GNE: variants seen among roughly 807,000 people sequenced by gnomAD.
GNE encodes the protein glucosamine (UDP-N-acetyl)-2-epimerase/N-acetylmannosamine kinase.
GNE carries 41 observed loss-of-function variants against 61.8 expected under a neutral mutation model. The observed-to-expected ratio is 0.66, with a 90% CI of 0.52 to 0.86. The LOEUF is 0.86. GNE is among the 40% of genes least tolerant of loss of function. GNE has a pLI of 0.00. For synonymous variants in GNE, 264 were observed against 326.4 expected (o/e 0.81, Z 2.06); for missense variants, 608 against 909.1 (o/e 0.67, Z 4.26).
At chr9:36,266,591 C>T (rs534030762) in intron 1 of GNE, among the ~76,000 whole-genome samples, 129 of 151,416 alleles carry the variant, frequency 8.5e-4, no homozygotes, top group African/African-American at 2.9e-3. Context: ...CTGGTCAACA[C>T]GGTGAAATCC....
At chr9:36,264,615 A>T (rs1253111487) in intron 1 of GNE, among the ~76,000 whole-genome samples, 1 of 152,174 alleles carries the variant, frequency 6.6e-6, no homozygotes, top group African/African-American at 2.4e-5. Flanking sequence ...GGAAAAGAGT[A>T]TGTACTGTTG....
chr9:36,255,261 G>A (rs1320866154), intron 1 of GNE, among the ~76,000 whole-genome samples: 2 of 152,096 alleles, frequency 1.3e-5, no homozygotes, highest in Non-Finnish European at 2.9e-5. Flanking sequence ...AGGCTGGAGT[G>A]CAGTGGTGCG....
rs573380827 is a variant in GNE at position 36,266,676 on chromosome 9, G to A, written c.51+10218C>T. On this transcript the variant is annotated intron_variant, in intron 1 of 11. Transcript: ENST00000396594. ...TGTAATCCCAGCACTTTGGGAGGCCGAGGCAGGCGGATCACAAGGTCAGGA... is the reference window on the plus strand; with the variant it reads ...TGTAATCCCAGCACTTTGGGAGGCCAAGGCAGGCGGATCACAAGGTCAGGA... Among the ~76,000 whole-genome samples, 44 of 152,310 alleles carry A rather than the reference G, an allele frequency of 2.9e-4. No homozygotes were observed. The East Asian group carries it at 7.9e-3, about 27-fold the overall frequency.
intron 1 of GNE, among the ~76,000 whole-genome samples, chr9:36,256,696 C>T (rs1830365307): frequency 6.6e-6 from 1 of 152,110 alleles, no homozygotes; most frequent in Non-Finnish European, 1.5e-5. Flanking sequence ...ATTTTTAAGG[C>T]TATCAAATAA....
chr9:36,216,164 C>A lies in GNE; in HGVS notation c.*1201G>T. On this transcript the variant is annotated 3_prime_UTR_variant, in exon 12 of 12. Transcript: ENST00000642385. ...GTCCAGTGTCTTGATTGTGGTGATG[C>A]TTTCACAGGTATACATATGTCAAGG... 2.6e-6 allele frequency: 1 copy of A among 384,714 alleles called. No individual in the cohort carries two copies. The highest frequency in any genetic ancestry group is 5.5e-6 in the Non-Finnish European group (1 of 183,348). The allele number at this position is 384,714 out of a possible 1,614,324, so 23.8% of individuals were successfully genotyped here.
intron 3 of GNE, 111 bp from the exon 4 acceptor site, chr9:36,237,095 T>C: frequency 2.4e-6 from 2 of 840,586 alleles, no homozygotes; most frequent in Non-Finnish European, 3.9e-6. Flanking sequence ...AATTCTACGA[T>C]AGAAACAGTT....
chr9:36,269,443 T>C (rs1830937832), intron 1 of GNE, among the ~76,000 whole-genome samples: 1 of 151,510 alleles, frequency 6.6e-6, no homozygotes, highest in Non-Finnish European at 1.5e-5. Flanking sequence ...TATGTTCAAT[T>C]GCCTACTAGA....
intron 1 of GNE, among the ~76,000 whole-genome samples, chr9:36,253,385 T>G (rs1244883872): frequency 1.3e-5 from 2 of 151,376 alleles, no homozygotes; most frequent in Non-Finnish European, 2.9e-5. Flanking sequence ...AAGAGATTCT[T>G]GTGCCTCAGC....
In GNE at chr9:36,218,669, G is replaced by A. The variant is rs916251028; in HGVS notation, c.1817-370C>T. ...TTACTCATCCCAGACACAATGCTGT[G>A]CCATCTGCCAGCGCCACGCGTTCTA... On this transcript the variant is annotated intron_variant, in intron 10 of 11. Coordinates refer to ENST00000642385, the MANE Select transcript of GNE (RefSeq NM_005476.7). This position sits in a 1 kb window ranked among gnomAD's most constrained non-coding sequence, Gnocchi z 4.1. Among the ~76,000 whole-genome samples the A allele has an allele frequency of 5.3e-5, 8 of 152,162 alleles. No homozygotes were observed. The highest frequency in any genetic ancestry group is 7.3e-5 in the Non-Finnish European group (5 of 68,030).
At chr9:36,276,861 T>C (rs777537509) in intron 1 of GNE, 2 of 1,523,418 alleles carry the variant, frequency 1.3e-6, no homozygotes, top group Admixed American at 3.6e-5. Flanking sequence ...GCAATTTCAA[T>C]AATAAAGCTC....
intron 1 of GNE, among the ~76,000 whole-genome samples, chr9:36,269,664 C>CCT (rs1830946781): frequency 7.4e-6 from 1 of 134,320 alleles, no homozygotes; most frequent in Non-Finnish European, 1.5e-5. Context: ...TTTCTTCTTT[C>CCT]TTTTTTTTTT....
chr9:36,238,123 TACAC>T (rs201513947), intron 3 of GNE, among the ~76,000 whole-genome samples: 99 of 129,082 alleles, frequency 7.7e-4, no homozygotes, highest in African/African-American at 1.9e-3. Flanking sequence ...TATATATAGA[TACAC>T]ACACACACAC....
chr9:36,245,015 C>A (rs1036776434), intron 3 of GNE, among the ~76,000 whole-genome samples: 3 of 150,496 alleles, frequency 2.0e-5, no homozygotes, highest in South Asian at 4.2e-4. Flanking sequence ...CGGTGGCTCA[C>A]GCTTGTAATC....
chr9:36,239,536 G>A (rs1188883300), intron 3 of GNE, among the ~76,000 whole-genome samples: 1 of 151,310 alleles, frequency 6.6e-6, no homozygotes, highest in Non-Finnish European at 1.5e-5. Context: ...GCAATGGTGC[G>A]ATCTCGGCTC....
chr9:36,223,684 TC>T (rs1828715321), intron 7 of GNE, among the ~76,000 whole-genome samples, 182 bp from the exon 8 acceptor site: 2 of 151,910 alleles, frequency 1.3e-5, no homozygotes, highest in South Asian at 4.2e-4. Flanking sequence ...CTCAAGTAGT[TC>T]CTGTAATCTG....
At position 36,250,454 on chromosome 9, in the gene GNE, A is replaced by G. The variant is rs1587350280; in HGVS notation, c.-42-1057T>C. Among the ~76,000 whole-genome samples, 2 of 152,224 alleles carry G rather than the reference A, an allele frequency of 1.3e-5. 1 individual carries two copies. Among genetic ancestry groups the G allele is most frequent in the South Asian group, 4.1e-4 (2 of 4,824 alleles). ...TCTTTTCGGAAGCTGTTCCTCCTCAATTGTTCTCTGAGTTATGCAATTTCA... is the reference window on the plus strand; with the variant it reads ...TCTTTTCGGAAGCTGTTCCTCCTCAGTTGTTCTCTGAGTTATGCAATTTCA... On this transcript the variant is annotated intron_variant, in intron 1 of 11. Transcript: ENST00000642385.
Position 36,227,552 on chromosome 9 carries a change from G to A in GNE, c.1071-94C>T, listed in dbSNP as rs1421863213. ...AATGTAATGGAAACTGAGACTTCAG[G>A]TAAAAATAATTCATGCTTCTTCCTA... is the stretch of plus-strand genomic sequence containing the variant. On this transcript the variant is annotated intron_variant, in intron 6 of 11. Coordinates refer to ENST00000642385, the MANE Select transcript of GNE (RefSeq NM_005476.7). The A allele has an allele frequency of 6.0e-6, 5 of 827,980 alleles. No homozygotes were observed. In the East Asian group the frequency reaches 1.3e-4, roughly 21 times the overall value. The allele number at this position is 827,980 out of a possible 1,614,324, so 51.3% of individuals were successfully genotyped here. A position where few individuals can be genotyped will look rare whatever the true frequency, so the allele number is the denominator to read the frequency against.
chr9:36,265,575 G>A (rs763163277), intron 1 of GNE: 5 of 430,112 alleles, frequency 1.2e-5, no homozygotes, highest in African/African-American at 6.0e-5. Flanking sequence ...TCCCTAGCTG[G>A]TAAGTATCTC....
intron 1 of GNE, among the ~76,000 whole-genome samples, chr9:36,257,935 C>G (rs1432955686): frequency 6.6e-6 from 1 of 151,664 alleles, no homozygotes; most frequent in African/African-American, 2.4e-5. Context: ...TTAGCCCAGC[C>G]TTTTCACGCC....
Sources: allele counts gnomAD v4.1 joint callset (sites outside exome capture counted in the v4.1 genomes callset), GRCh38; gene constraint gnomAD v4.1.1; non-coding constraint Gnocchi (gnomAD v3.1); transcripts MANE v1.5; gene names NCBI Gene and HGNC (gene_info 2026-07-23, HGNC 2026-07-21).